The following CYP2A6 variants were observed in gnomAD, a reference collection of about 807,000 sequenced individuals.
CYP2A6 encodes cytochrome P450 family 2 subfamily A member 6.
Under a neutral mutation model 42.3 loss-of-function variants are expected in CYP2A6, and 27 were observed. That is an observed-to-expected ratio of 0.64 (90% CI 0.47 to 0.88). The LOEUF (loss-of-function observed/expected upper bound fraction) is 0.88, where lower values mean the gene tolerates loss of function less well. Ranked by LOEUF, CYP2A6 falls within the 40% of genes least tolerant of loss-of-function variation. CYP2A6 has a pLI of 0.00. For synonymous variants in CYP2A6, 238 were observed against 246.3 expected, an observed-to-expected ratio of 0.97 and a Z score of 0.31; for missense variants, 628 against 646.0, an observed-to-expected ratio of 0.97 and a Z score of 0.30.
chr19:40,850,134 C>T, intron 1 of CYP2A6, 113 bp downstream of exon 1: 3 of 1,529,496 alleles, frequency 2.0e-6, no homozygotes, highest in Non-Finnish European at 2.6e-6. Context: ...TGCTGAAACT[C>T]CAAAACTCCA....
Position 40,844,127 on chromosome 19 carries a change from A to T in CYP2A6, c.1304-150T>A, listed in dbSNP as rs2145119483. ...TCAGAGGAGGCTCTGATCCTCCCTG[A>T]GCCTCAATTTCTTTCTATAAGAGAT... is the stretch of plus-strand genomic sequence containing the variant. On this transcript the variant is annotated intron_variant, in intron 8 of 8. Coordinates refer to ENST00000301141, the MANE Select transcript of CYP2A6 (RefSeq NM_000762.6). 8.6e-6 allele frequency: 12 copies of T among 1,398,504 alleles called. 1 individual carries two copies. The South Asian group carries it at 1.9e-4, about 22-fold the overall frequency. 86.6% of individuals were successfully genotyped at this position (1,398,504 alleles called of 1,614,324 possible). A position where few individuals can be genotyped will look rare whatever the true frequency, so the allele number is the denominator to read the frequency against.
intron 5 of CYP2A6, among the ~76,000 whole-genome samples, chr19:40,846,458 C>G (rs534792109): frequency 9.3e-5 from 14 of 151,286 alleles, no homozygotes; most frequent in Non-Finnish European, 1.9e-4. Flanking sequence ...GTAGCTGGAA[C>G]TGCACATGCG....
In CYP2A6 at chr19:40,848,603, C is replaced by T. The variant is rs749873285; in HGVS notation, c.493+11G>A. 1 of 1,609,740 alleles carries T rather than the reference C, an allele frequency of 6.2e-7. No individual in the cohort carries two copies. ...CTTCTCCTGCCCCCGCACTCGGGGT[C>T]CCCTGCTCACCGCCAGTGCCCCGGA... On this transcript the variant is annotated intron_variant, in intron 3 of 8. Coordinates refer to ENST00000301141, the MANE Select transcript of CYP2A6 (RefSeq NM_000762.6).
At chr19:40,849,049 A>AGAG (rs1334482321) in intron 2 of CYP2A6, among the ~76,000 whole-genome samples, 7 of 107,226 alleles carry the variant, frequency 6.5e-5, no homozygotes, top group Non-Finnish European at 1.2e-4. Flanking sequence ...GAGAGAGGAG[A>AGAG]GAGAGAGAGA....
In CYP2A6 at chr19:40,848,705, G is replaced by C. The variant is rs139707574; in HGVS notation, c.402C>G (p.Thr134=). Reference sequence around the variant, plus strand: ...GCTTGCCCACCCCGAAGTCCCGCAGGGTGGCGATGGAGAAGCGCCGGAGCT... The same window carrying C: ...GCTTGCCCACCCCGAAGTCCCGCAGCGTGGCGATGGAGAAGCGCCGGAGCT... ...AKQLRRFSIA[T]LRDFGVGKRG... Residue 134 remains threonine, a synonymous_variant, in exon 3 of 9, where the codon ACC becomes ACG. Transcript: ENST00000301141. The C allele has an allele frequency of 1.9e-6, 3 of 1,611,926 alleles. No homozygotes were observed. The highest frequency in any genetic ancestry group is 2.5e-6 in the Non-Finnish European group (3 of 1,179,898).
chr19:40,850,335 C>G lies in CYP2A6; in HGVS notation c.92G>C (p.Gly31Ala). 6.2e-7 allele frequency: 1 copy of G among 1,610,122 alleles called. No individual in the cohort carries two copies. Residue 31 changes from glycine to alanine, a missense_variant, in exon 1 of 9, where the codon GGG (glycine) becomes GCG (alanine). By Grantham distance (60) the Gly-to-Ala change is moderately conservative. Transcript: ENST00000301141. ...TGGGGTGGGTCCCGGAGGCAGCTTC[C>G]CCTTGCTCTTCCTCTGCTGCCAAAC... is the stretch of plus-strand genomic sequence containing the variant. ...MSVWQQRKSK[G>A]KLPPGPTPLP... is the part of the protein sequence containing the mutation.
At chr19:40,849,601 G>A (rs910581846) in intron 2 of CYP2A6, among the ~76,000 whole-genome samples, 8 of 151,398 alleles carry the variant, frequency 5.3e-5, no homozygotes, top group African/African-American at 9.7e-5. Flanking sequence ...GAATAAGGAG[G>A]TGGGGCAGAG....
rs28399451 is a variant in CYP2A6 at position 40,845,938 on chromosome 19, G to C, written c.973+18C>G. 1.4e-5 allele frequency: 22 copies of C among 1,607,710 alleles called. No individual in the cohort carries two copies. Among genetic ancestry groups the C allele is most frequent in the Non-Finnish European group, 1.8e-5 (21 of 1,178,528 alleles). On this transcript the variant is annotated intron_variant, in intron 6 of 8. Coordinates refer to ENST00000301141, the MANE Select transcript of CYP2A6 (RefSeq NM_000762.6). ...TGAGGGTCTGGGGCCCTCCACTTCCGTCCCCCTCCAGCCTTACCCTCCACC... is the reference window on the plus strand; with the variant it reads ...TGAGGGTCTGGGGCCCTCCACTTCCCTCCCCCTCCAGCCTTACCCTCCACC...
rs767250358 is a variant in CYP2A6 at position 40,846,869 on chromosome 19, G to T, written c.831+6C>A. ...GCATCTCCCCGCAGTGGCTGCTGGGGTGTACCTCCTGCATGCGGATGAGAA... is the reference window on the plus strand; with the variant it reads ...GCATCTCCCCGCAGTGGCTGCTGGGTTGTACCTCCTGCATGCGGATGAGAA... On this transcript the variant is annotated splice_donor_region_variant and intron_variant, in intron 5 of 8. Coordinates refer to ENST00000301141, the MANE Select transcript of CYP2A6 (RefSeq NM_000762.6). 4.3e-6 allele frequency: 7 copies of T among 1,611,598 alleles called. No individual in the cohort carries two copies. The highest frequency in any genetic ancestry group is 1.3e-5 in the African/African-American group (1 of 74,732).
chr19:40,844,814 G>T, intron 7 of CYP2A6, 42 bp from the exon 8 acceptor site: 1 of 1,585,730 alleles, frequency 6.3e-7, no homozygotes, highest in Non-Finnish European at 8.6e-7. Flanking sequence ...GGAGGGTCGG[G>T]GGATTGGTGA....
At chr19:40,850,123 A>G (rs1353908917) in intron 1 of CYP2A6, 124 bp downstream of exon 1, 4 of 1,526,062 alleles carry the variant, frequency 2.6e-6, no homozygotes, top group Non-Finnish European at 2.6e-6. Flanking sequence ...TGTCTTTCTG[A>G]TGCTGAAACT....
At position 40,848,099 on chromosome 19, in the gene CYP2A6, G is replaced by A. The variant is rs1599779260; in HGVS notation, c.654+120C>T. On this transcript the variant is annotated intron_variant, in intron 4 of 8. Coordinates refer to ENST00000301141, the MANE Select transcript of CYP2A6 (RefSeq NM_000762.6). Reference sequence around the variant, plus strand: ...AACTGTCCAGTTGTCCAATATCGGGGACTGATTTTGAGGGGACACTGTCTG... The same window carrying A: ...AACTGTCCAGTTGTCCAATATCGGGAACTGATTTTGAGGGGACACTGTCTG... 93 of 1,524,664 alleles carry A rather than the reference G, an allele frequency of 6.1e-5. 1 individual carries two copies. In the South Asian group the frequency reaches 1.1e-3, roughly 18 times the overall value. The allele number at this position is 1,524,664 out of a possible 1,614,324, so 94.4% of individuals were successfully genotyped here.
In CYP2A6 at chr19:40,845,027, G is replaced by C; in HGVS notation, c.1162-255C>G. Reference sequence around the variant, plus strand: ...TGAGATTTCTGTCCCTATGACAAAAGGCCGAATGGAAAGGGGGCTTCTGTT... The same window carrying C: ...TGAGATTTCTGTCCCTATGACAAAACGCCGAATGGAAAGGGGGCTTCTGTT... On this transcript the variant is annotated intron_variant, in intron 7 of 8. Transcript: ENST00000301141. The C allele has an allele frequency of 3.1e-6, 2 of 650,390 alleles. 1 individual carries two copies. Among genetic ancestry groups the C allele is most frequent in the East Asian group, 6.1e-5 (2 of 32,892 alleles). 40.3% of individuals were successfully genotyped at this position (650,390 alleles called of 1,614,324 possible). A position where few individuals can be genotyped will look rare whatever the true frequency, so the allele number is the denominator to read the frequency against.
At chr19:40,848,813 A>G in intron 2 of CYP2A6, 50 bp from the exon 3 acceptor site, 2 of 1,568,916 alleles carry the variant, frequency 1.3e-6, no homozygotes, top group Non-Finnish European at 1.7e-6. Flanking sequence ...CGGCAGGGGC[A>G]GGAGCGGAGC....
At position 40,850,367 on chromosome 19, in the gene CYP2A6, C is replaced by T. The variant is rs746024795; in HGVS notation, c.60G>A (p.Leu20=). 3 of 1,610,228 alleles carry T rather than the reference C, an allele frequency of 1.9e-6. No individual in the cohort carries two copies. The highest frequency in any genetic ancestry group is 3.3e-5 in the Admixed American group (2 of 59,848). ...ALLVCLTVMV[L]MSVWQQRKSK... The stretch of plus-strand genomic sequence containing the variant: ...TCTTCCTCTGCTGCCAAACAGACAT[C>T]AAGACCATTACAGTCAGGCAGACCA... Residue 20 remains leucine, a synonymous_variant, in exon 1 of 9, where the codon TTG becomes TTA. Coordinates refer to ENST00000301141, the MANE Select transcript of CYP2A6 (RefSeq NM_000762.6).
chr19:40,845,580 T>C, intron 6 of CYP2A6, 99 bp from the exon 7 acceptor site: 1 of 1,539,428 alleles, frequency 6.5e-7, no homozygotes, highest in Non-Finnish European at 8.8e-7. Context: ...TGGCTCCGCC[T>C]ATGAGACGGA....
chr19:40,845,112 A>C, intron 7 of CYP2A6, 182 bp downstream of exon 7: 1 of 718,810 alleles, frequency 1.4e-6, no homozygotes, highest in Non-Finnish European at 2.3e-6. Context: ...GAGTCTGGAG[A>C]GATGCAGGAC....
Position 40,846,956 on chromosome 19 carries a change from C to T in CYP2A6, c.750G>A (p.Lys250=), listed in dbSNP as rs936657591. The change falls in exon 5 of 9, where the codon AAG becomes AAA. Residue 250 remains lysine, a synonymous_variant. Coordinates refer to ENST00000301141, the MANE Select transcript of CYP2A6 (RefSeq NM_000762.6). ...LLQGLEDFIA[K]KVEHNQRTLD... ...GCGTGCGCTGGTTGTGCTCCACCTTCTTGGCTATGAAGTCCTCCAGCCCTT... is the reference window on the plus strand; with the variant it reads ...GCGTGCGCTGGTTGTGCTCCACCTTTTTGGCTATGAAGTCCTCCAGCCCTT... 6.2e-7 allele frequency: 1 copy of T among 1,612,088 alleles called. No homozygotes were observed. The highest frequency in any genetic ancestry group is 8.5e-7 in the Non-Finnish European group (1 of 1,179,952).
chr19:40,845,447 G>T lies in CYP2A6; in HGVS notation c.1008C>A (p.Gly336=), dbSNP rs1178152320. 1.2e-6 allele frequency: 2 copies of T among 1,611,838 alleles called. No homozygotes were observed. Among genetic ancestry groups the T allele is most frequent in the Non-Finnish European group, 1.7e-6 (2 of 1,179,912 alleles). The change falls in exon 7 of 9, where the codon GGC becomes GGA. Residue 336 remains glycine (G), a synonymous_variant. Coordinates refer to ENST00000301141, the MANE Select transcript of CYP2A6 (RefSeq NM_000762.6). The part of the protein sequence containing the change: ...KVHEEIDRVI[G]KNRQPKFEDR... ...CCTCAAACTTGGGCTGCCGGTTCTT[G>T]CCGATCACTCTGTCAATCTCCTCAT...
Sources: allele counts gnomAD v4.1 joint callset (sites outside exome capture counted in the v4.1 genomes callset), GRCh38; gene constraint gnomAD v4.1.1; transcripts MANE v1.5; gene names NCBI Gene and HGNC (gene_info 2026-07-23, HGNC 2026-07-21).